The following CTNNA3 variants were observed in gnomAD, a reference collection of about 807,000 sequenced individuals.
CTNNA3 encodes the protein catenin alpha-3.
In CTNNA3, 76 loss-of-function variants were observed where a neutral mutation model predicts 95.7. That is an observed-to-expected ratio of 0.79 (90% confidence interval 0.66 to 0.96). CTNNA3 has a LOEUF of 0.96. CTNNA3 is among the 40% of genes least tolerant of loss of function. The pLI, the probability that CTNNA3 is intolerant of heterozygous loss-of-function variation, is 0.00. For synonymous variants in CTNNA3, 431 were observed against 374.4 expected, an observed-to-expected ratio of 1.15 and a Z score of -1.74; for missense variants, 1,191 against 1,089.8, an observed-to-expected ratio of 1.09 and a Z score of -1.31.
intron 12 of CTNNA3, among the ~76,000 whole-genome samples, chr10:66,335,797 C>T (rs1046615625): frequency 3.9e-5 from 6 of 152,106 alleles, no homozygotes; most frequent in African/African-American, 1.4e-4. Context: ...GTTTCTGCTG[C>T]CTTTTGTTTG....
At chr10:67,648,881 A>G in intron 1 of CTNNA3, 1 of 961,520 alleles carries the variant, frequency 1.0e-6, no homozygotes, top group Admixed American at 3.2e-5. Context: ...TTTCTCTCAA[A>G]TGCATTTCTA....
chr10:66,646,137 T>G (rs527805494), intron 9 of CTNNA3, among the ~76,000 whole-genome samples: 1 of 152,166 alleles, frequency 6.6e-6, no homozygotes, highest in African/African-American at 2.4e-5. Flanking sequence ...TATAATGAAA[T>G]TAAAGAAAGA....
intron 7 of CTNNA3, among the ~76,000 whole-genome samples, chr10:66,884,275 T>G (rs559633805): frequency 6.6e-6 from 1 of 152,264 alleles, no homozygotes; most frequent in Middle Eastern, 3.4e-3. Context: ...CAGGTGGTTT[T>G]AAAATATGCA....
intron 5 of CTNNA3, among the ~76,000 whole-genome samples, chr10:67,332,748 G>A (rs535951401): frequency 1.3e-5 from 2 of 151,952 alleles, no homozygotes. Context: ...GGAGTCGATT[G>A]TCCACTCTCA....
chr10:67,379,650 C>T (rs2132726278), intron 5 of CTNNA3, among the ~76,000 whole-genome samples: 1 of 152,152 alleles, frequency 6.6e-6, no homozygotes, highest in South Asian at 2.1e-4. Flanking sequence ...TAATACAAGC[C>T]ATCTGATCTA....
intron 7 of CTNNA3, among the ~76,000 whole-genome samples, chr10:66,783,868 C>T (rs1439138862): frequency 1.3e-5 from 2 of 152,118 alleles, no homozygotes; most frequent in African/African-American, 4.8e-5. Context: ...TTTCTTAAGT[C>T]TAATTCCTAC....
At chr10:66,292,169 A>C (rs943263624) in intron 12 of CTNNA3, among the ~76,000 whole-genome samples, 2 of 151,720 alleles carry the variant, frequency 1.3e-5, no homozygotes, top group African/African-American at 4.8e-5. Context: ...TCTCCCACCA[A>C]ATTTACTCTT....
intron 5 of CTNNA3, among the ~76,000 whole-genome samples, chr10:67,251,804 T>C (rs938937275): frequency 6.6e-6 from 1 of 152,018 alleles, no homozygotes; most frequent in African/African-American, 2.4e-5. Context: ...AATTCAAGAT[T>C]TGAGGAAGAG....
At chr10:66,170,743 AG>A (rs1185217293) in intron 13 of CTNNA3, among the ~76,000 whole-genome samples, 1 of 147,614 alleles carries the variant, frequency 6.8e-6, no homozygotes, top group Non-Finnish European at 1.5e-5. Context: ...AAAAAAAAAA[AG>A]TTACTGGGTA....
intron 7 of CTNNA3, among the ~76,000 whole-genome samples, chr10:66,967,224 A>G (rs753192338): frequency 1.3e-5 from 2 of 151,998 alleles, no homozygotes; most frequent in Non-Finnish European, 2.9e-5. Flanking sequence ...GACATAAACC[A>G]TGACCTTCTA....
chr10:66,314,981 G>C (rs1564860268), intron 12 of CTNNA3, among the ~76,000 whole-genome samples: 1 of 151,972 alleles, frequency 6.6e-6, no homozygotes. Flanking sequence ...ATGTGTGGTG[G>C]GTTACTTTTT....
chr10:67,417,410 A>G (rs1845584057), intron 5 of CTNNA3, among the ~76,000 whole-genome samples: 1 of 152,168 alleles, frequency 6.6e-6, no homozygotes, highest in South Asian at 2.1e-4. Context: ...ATTCCCATGT[A>G]ACAAATCTGC....
intron 13 of CTNNA3, 146 bp from the exon 14 acceptor site, chr10:66,103,395 G>A (rs750931355): frequency 4.6e-6 from 3 of 653,664 alleles, no homozygotes; most frequent in Non-Finnish European, 8.3e-6. Flanking sequence ...CAAGAGAAAG[G>A]AAGGCATATG....
intron 5 of CTNNA3, among the ~76,000 whole-genome samples, chr10:67,429,712 C>G (rs1241577686): frequency 6.6e-6 from 1 of 151,918 alleles, no homozygotes; most frequent in Non-Finnish European, 1.5e-5. Flanking sequence ...ATGTCGAGGC[C>G]TTTTTGATAA....
At chr10:66,050,436 T>C (rs76170006) in intron 15 of CTNNA3, among the ~76,000 whole-genome samples, 3 of 146,650 alleles carry the variant, frequency 2.0e-5, no homozygotes, top group Admixed American at 6.9e-5. Flanking sequence ...TTTTTTTTTT[T>C]CCTTTAGCAA....
At chr10:67,106,732 A>C (rs1293322518) in intron 7 of CTNNA3, among the ~76,000 whole-genome samples, 1 of 152,198 alleles carries the variant, frequency 6.6e-6, no homozygotes, top group East Asian at 1.9e-4. Flanking sequence ...TGCTCATTTA[A>C]GGTCCACTGT....
At chr10:67,070,633 G>A (rs761212290) in intron 7 of CTNNA3, among the ~76,000 whole-genome samples, 5 of 151,938 alleles carry the variant, frequency 3.3e-5, no homozygotes, top group Non-Finnish European at 7.4e-5. Flanking sequence ...TGTCTTCCCA[G>A]CTGCTTGGGA....
At position 66,753,662 on chromosome 10, in the gene CTNNA3, CAAA is replaced by C. The variant is rs753751323; in HGVS notation, c.1281+12599_1281+12601del. Reference sequence around the variant, plus strand: ...CGGCAAAAAGAATGAAACTCCATCTCAAAAAAAAAAGAAAATATATATATATAT... The same window carrying C: ...CGGCAAAAAGAATGAAACTCCATCTCAAAAAAAGAAAATATATATATATAT... On this transcript the variant is annotated intron_variant, in intron 9 of 17. Coordinates refer to ENST00000433211, the MANE Select transcript of CTNNA3 (RefSeq NM_013266.4). 1.5e-3 allele frequency among the ~76,000 whole-genome samples: 198 copies of C among 128,198 alleles called. 1 individual carries two copies. The Middle Eastern group carries it at 0.028, about 18-fold the overall frequency. 84.1% of individuals were successfully genotyped at this position (128,198 alleles called of 152,430 possible).
At chr10:66,487,424 AT>A (rs1333365591) in intron 11 of CTNNA3, among the ~76,000 whole-genome samples, 1 of 151,472 alleles carries the variant, frequency 6.6e-6, no homozygotes, top group Non-Finnish European at 1.5e-5. Context: ...GATGGTCTCG[AT>A]CTCCTGACCT....
Sources: allele counts gnomAD v4.1 joint callset (sites outside exome capture counted in the v4.1 genomes callset), GRCh38; gene constraint gnomAD v4.1.1; transcripts MANE v1.5; gene names NCBI Gene and HGNC (gene_info 2026-07-23, HGNC 2026-07-21).